Variants in PIGA observed in about 807,000 individuals in gnomAD.
PIGA encodes phosphatidylinositol glycan anchor biosynthesis class A, also known as phosphatidylinositol N-acetylglucosaminyltransferase subunit A.
PIGA carries 3 observed loss-of-function variants against 17.1 expected under a neutral mutation model. The ratio of observed to expected loss-of-function variants is 0.18; its 90% CI spans 0.08 to 0.45. The LOEUF is 0.45. Ranked by LOEUF, PIGA falls within the 20% of genes least tolerant of loss-of-function variation. The pLI is 0.99. For missense variants in PIGA, 231 were observed against 374.1 expected, an observed-to-expected ratio of 0.62 and a Z score of 3.16; for synonymous variants, 126 against 135.1, an observed-to-expected ratio of 0.93 and a Z score of 0.47.
In PIGA at chrX:15,321,552, T is replaced by C; in HGVS notation, c.1409A>G (p.His470Arg). The change falls in exon 6 of 6, where the codon CAC (histidine) becomes CGC (arginine). Residue 470 changes from histidine to arginine, a missense_variant. His to Arg is a conservative substitution (Grantham distance 29). Transcript: ENST00000333590. ...PRGAWTNNYS[H>R]SKRGGENNEI... Reference sequence around the variant, plus strand: ...ATTATTCTCACCCCCTCTTTTACTGTGAGAATAGTTATTAGTCCAGGCACC... The same window carrying C: ...ATTATTCTCACCCCCTCTTTTACTGCGAGAATAGTTATTAGTCCAGGCACC... The C allele has an allele frequency of 1.7e-6, 2 of 1,204,379 alleles. No individual in the cohort carries two copies. The highest frequency in any genetic ancestry group is 2.3e-6 in the Non-Finnish European group (2 of 888,559).
chrX:15,333,852 G>A (rs962350428), intron 1 of PIGA, among the ~76,000 whole-genome samples: 2 of 112,080 alleles, frequency 1.8e-5, no homozygotes, highest in Non-Finnish European at 3.8e-5. Context: ...CTAAACTAGA[G>A]ATGGGCTGTA....
intron 2 of PIGA, 37 bp downstream of exon 2, chrX:15,331,179 A>G (rs774746671): frequency 5.9e-6 from 6 of 1,022,812 alleles, no homozygotes; most frequent in Admixed American, 2.7e-5. Context: ...TATAGGGAAA[A>G]AAGTCTACAA....
At chrX:15,329,230 G>A (rs530761726) in intron 2 of PIGA, among the ~76,000 whole-genome samples, 77 of 112,321 alleles carry the variant, frequency 6.9e-4, no homozygotes, top group Middle Eastern at 4.6e-3. Flanking sequence ...TGTTATCGTC[G>A]TGTTGAGTAA....
At chrX:15,330,041 C>T (rs757971968) in intron 2 of PIGA, among the ~76,000 whole-genome samples, 3 of 109,677 alleles carry the variant, frequency 2.7e-5, no homozygotes, top group South Asian at 4.0e-4. Flanking sequence ...GCTGAGATCA[C>T]GTCACTGCAC....
chrX:15,322,043 C>T (rs765007273), intron 5 of PIGA, among the ~76,000 whole-genome samples: 3 of 111,776 alleles, frequency 2.7e-5, no homozygotes, highest in African/African-American at 9.7e-5. Flanking sequence ...CACAGTTCCT[C>T]TCCCCTAGGG....
chrX:15,326,103 C>A, intron 2 of PIGA, 57 bp from the exon 3 acceptor site: 8 of 815,495 alleles, frequency 9.8e-6, no homozygotes, highest in Non-Finnish European at 1.4e-5. Flanking sequence ...AAAAAATTCA[C>A]CAGAACGACT....
intron 5 of PIGA, among the ~76,000 whole-genome samples, chrX:15,323,755 C>A (rs1569178091): frequency 8.9e-6 from 1 of 111,862 alleles, no homozygotes; most frequent in Non-Finnish European, 1.9e-5. Flanking sequence ...AGCTATTCTC[C>A]TCAGCTCCAA....
chrX:15,333,978 T>C (rs6632344), intron 1 of PIGA, among the ~76,000 whole-genome samples: 38,911 of 110,148 alleles, frequency 0.35, 5,074 homozygotes, highest in South Asian at 0.57. Flanking sequence ...TCTTAGACAC[T>C]TAAAGCTAAA....
Position 15,325,970 on chromosome X carries a change from C to T in PIGA, c.792G>A (p.Glu264=), listed in dbSNP as rs1379667303. ...YPDLNFIIGG[E]GPKRIILEEV... ...CTTCCAAAATGATTCTCTTTGGTCCCTCTCCTCCAATTATGAAATTTAAAT... is the reference window on the plus strand; with the variant it reads ...CTTCCAAAATGATTCTCTTTGGTCCTTCTCCTCCAATTATGAAATTTAAAT... Residue 264 remains glutamate (E), a synonymous_variant, in exon 3 of 6, where the codon GAG becomes GAA. Transcript: ENST00000333590. 8.4e-7 allele frequency: 1 copy of T among 1,191,496 alleles called. No homozygotes were observed.
chrX:15,332,082 T>C (rs1922185253), intron 1 of PIGA, 90 bp from the exon 2 acceptor site: 1 of 576,149 alleles, frequency 1.7e-6, no homozygotes, highest in Non-Finnish European at 2.4e-6. Context: ...AATGTTAATG[T>C]AAATTTGTTA....
chrX:15,335,444 A>T, intron 1 of PIGA, 57 bp downstream of exon 1: 1 of 975,542 alleles, frequency 1.0e-6, no homozygotes, highest in Non-Finnish European at 1.3e-6. Context: ...CGCGCAGAAC[A>T]GCCCCATCCG....
chrX:15,333,802 T>G (rs1395415438), intron 1 of PIGA, among the ~76,000 whole-genome samples: 2 of 112,590 alleles, frequency 1.8e-5, no homozygotes, highest in Non-Finnish European at 3.8e-5. Context: ...TCAAACTCAA[T>G]GAGTGTCCCT....
At chrX:15,330,463 AG>A (rs1026934057) in intron 2 of PIGA, among the ~76,000 whole-genome samples, 4 of 112,720 alleles carry the variant, frequency 3.5e-5, no homozygotes, top group African/African-American at 9.7e-5. Context: ...AATACTCATT[AG>A]GGTATCTCTG....
In PIGA at chrX:15,331,203, AT is replaced by A. The variant is rs1431203191; in HGVS notation, c.715+12del. 8.7e-7 allele frequency: 1 copy of A among 1,145,309 alleles called. No individual in the cohort carries two copies. The highest frequency in any genetic ancestry group is 1.9e-5 in the South Asian group (1 of 51,708). The allele number at this position is 1,145,309 out of a possible 1,213,427, so 94.4% of individuals were successfully genotyped here. ...AAAAGTCTACAATGCAATTATAGCT[AT>A]CATTTCATTACCTTTTCTGTAAACA... On this transcript the variant is annotated intron_variant, in intron 2 of 5. Transcript: ENST00000333590.
chrX:15,325,512 G>C (rs989972859), intron 3 of PIGA: 1 of 150,968 alleles, frequency 6.6e-6, no homozygotes, highest in Non-Finnish European at 1.3e-5. Flanking sequence ...ACACGTACAA[G>C]CCTTGTGTTG....
chrX:15,330,779 T>C (rs1922131668), intron 2 of PIGA: 1 of 114,177 alleles, frequency 8.8e-6, no homozygotes, highest in Admixed American at 9.0e-5. Flanking sequence ...ATTTTTTGTA[T>C]TTTTAGTTGA....
chrX:15,327,347 A>C (rs1922015479), intron 2 of PIGA: 1 of 111,827 alleles, frequency 8.9e-6, no homozygotes, highest in South Asian at 3.7e-4. Flanking sequence ...GCACACACAC[A>C]TAAGAATTGT....
rs1487003262 is a variant in PIGA, at chrX:15,319,544, A to G, written c.*1962T>C. The G allele has an allele frequency of 8.9e-6, 1 of 112,177 alleles. No individual in the cohort carries two copies. Among genetic ancestry groups the G allele is most frequent in the Non-Finnish European group, 1.9e-5 (1 of 53,264 alleles). 9.2% of individuals were successfully genotyped at this position (112,177 alleles called of 1,213,427 possible). ...TCATAGGCAACCTTTTGAAACATCA[A>G]AAGAAATACAATATATTTTTCACAA... On this transcript the variant is annotated 3_prime_UTR_variant, in exon 6 of 6. Coordinates refer to ENST00000333590, the MANE Select transcript of PIGA (RefSeq NM_002641.4).
intron 1 of PIGA, 96 bp downstream of exon 1, chrX:15,335,405 C>A (rs2147727367): frequency 3.6e-6 from 3 of 835,369 alleles, no homozygotes; most frequent in Non-Finnish European, 4.6e-6. Flanking sequence ...GTCGGTTTCA[C>A]CCCCTCCACC....
Sources: gnomAD v4.1 joint callset for allele counts (sites outside exome capture counted in the v4.1 genomes callset) on GRCh38, gnomAD v4.1.1 for gene constraint, MANE v1.5 for transcripts, NCBI Gene and HGNC (gene_info 2026-07-23, HGNC 2026-07-21) for gene names.